Variants in PPFIA2 observed in about 807,000 individuals in gnomAD.
The protein encoded by PPFIA2 is PPFI scaffold protein A2, also known as liprin-alpha-2.
Under a neutral mutation model 175.5 loss-of-function variants are expected in PPFIA2, and 46 were observed. The ratio of observed to expected loss-of-function variants is 0.26; its 90% CI spans 0.21 to 0.34. The LOEUF (loss-of-function observed/expected upper bound fraction) is 0.34, where lower values mean the gene tolerates loss of function less well. Ranked by LOEUF, PPFIA2 falls within the 10% of genes least tolerant of loss-of-function variation. The pLI, the probability that PPFIA2 is intolerant of heterozygous loss-of-function variation, is 1.00. For missense variants in PPFIA2, 1,179 were observed against 1,506.1 expected, an observed-to-expected ratio of 0.78 and a Z score of 3.60; for synonymous variants, 568 against 511.4, an observed-to-expected ratio of 1.11 and a Z score of -1.49.
chr12:81,395,035 GGAAGA>G (rs2040857963), intron 8 of PPFIA2, among the ~76,000 whole-genome samples: 1 of 151,898 alleles, frequency 6.6e-6, no homozygotes, highest in South Asian at 2.1e-4. Context: ...AAACTGAAAA[GGAAGA>G]GAAGAGAAAA....
At chr12:81,626,886 C>T (rs1377659395) in intron 4 of PPFIA2, among the ~76,000 whole-genome samples, 1 of 152,048 alleles carries the variant, frequency 6.6e-6, no homozygotes, top group African/African-American at 2.4e-5. Context: ...TTATACTACA[C>T]TACCTTGAAT....
At chr12:81,518,829 A>G (rs2062775879) in intron 4 of PPFIA2, among the ~76,000 whole-genome samples, 1 of 152,320 alleles carries the variant, frequency 6.6e-6, no homozygotes, top group Middle Eastern at 3.4e-3. Context: ...ATAAGAGCTC[A>G]ATAAATATTT....
chr12:81,361,284 T>C (rs889501268), intron 15 of PPFIA2, among the ~76,000 whole-genome samples: 1 of 151,732 alleles, frequency 6.6e-6, no homozygotes, highest in Non-Finnish European at 1.5e-5. Flanking sequence ...ATAATGCTTA[T>C]TCTATGCATT....
chr12:81,468,089 C>T (rs1223921371), intron 4 of PPFIA2, among the ~76,000 whole-genome samples: 1 of 152,070 alleles, frequency 6.6e-6, no homozygotes, highest in Non-Finnish European at 1.5e-5. Context: ...CTTCATTTTT[C>T]TCCAATAGAA....
rs571980790 is a variant in PPFIA2 at position 81,756,689 on chromosome 12, T to G, written c.-3+1711A>C. On this transcript the variant is annotated intron_variant, in intron 2 of 32. Coordinates refer to ENST00000549396, the MANE Select transcript of PPFIA2 (RefSeq NM_003625.5). ...TATGCTTAGAGGAAAAAAAAGAAAA[T>G]ATATAATAGGTTACCTGACTGAGAA... Among the ~76,000 whole-genome samples, 196 of 151,990 alleles carry G rather than the reference T, an allele frequency of 1.3e-3. 1 individual carries two copies. Among genetic ancestry groups the G allele is most frequent in the Middle Eastern group, 3.4e-3 (1 of 294 alleles).
intron 3 of PPFIA2, among the ~76,000 whole-genome samples, chr12:81,700,531 T>C (rs1293618435): frequency 3.9e-5 from 6 of 152,132 alleles, no homozygotes; most frequent in Non-Finnish European, 8.8e-5. Flanking sequence ...GGTTTGGTTT[T>C]TGTTTTGTTT....
At chr12:81,271,583 T>C (rs930430957) in intron 28 of PPFIA2, among the ~76,000 whole-genome samples, 2 of 152,226 alleles carry the variant, frequency 1.3e-5, no homozygotes, top group Admixed American at 6.5e-5. Context: ...ATTAGCTTTT[T>C]ATATTTACAC....
intron 3 of PPFIA2, among the ~76,000 whole-genome samples, chr12:81,711,016 A>T (rs2077831752): frequency 6.6e-6 from 1 of 151,260 alleles, no homozygotes. Context: ...GAACCACTTG[A>T]GCCCAGGAGT....
At chr12:81,347,498 C>A (rs2059273099) in intron 18 of PPFIA2, 35 bp downstream of exon 18, 1 of 1,522,992 alleles carries the variant, frequency 6.6e-7, no homozygotes, top group Non-Finnish European at 9.1e-7. Flanking sequence ...TTAATCTTAA[C>A]AGGAGGCAAA....
chr12:81,549,032 G>A (rs2153364794), intron 4 of PPFIA2, among the ~76,000 whole-genome samples: 1 of 152,142 alleles, frequency 6.6e-6, no homozygotes, highest in South Asian at 2.1e-4. Context: ...TCCTGCAAGA[G>A]AAATAAATAG....
chr12:81,367,945 C>T (rs1045079645), intron 13 of PPFIA2, among the ~76,000 whole-genome samples: 3 of 151,714 alleles, frequency 2.0e-5, no homozygotes, highest in African/African-American at 7.3e-5. Context: ...TGTCTTATTA[C>T]TTTCTAATGG....
intron 8 of PPFIA2, among the ~76,000 whole-genome samples, chr12:81,390,335 T>C (rs2039885964): frequency 6.6e-6 from 1 of 152,060 alleles, no homozygotes; most frequent in Non-Finnish European, 1.5e-5. Flanking sequence ...GACAATTCTA[T>C]CTTTAACATG....
At chr12:81,351,022 T>G (rs759796263) in intron 17 of PPFIA2, among the ~76,000 whole-genome samples, 49 of 152,154 alleles carry the variant, frequency 3.2e-4, no homozygotes, top group Non-Finnish European at 6.5e-4. Context: ...GGTTCATCAC[T>G]GGGGTTAGTC....
chr12:81,466,549 A>ACG (rs2055661173), intron 4 of PPFIA2, among the ~76,000 whole-genome samples: 2 of 152,116 alleles, frequency 1.3e-5, no homozygotes, highest in African/African-American at 4.8e-5. Context: ...CCTATCTTAT[A>ACG]TCTTATTCCC....
intron 7 of PPFIA2, among the ~76,000 whole-genome samples, chr12:81,415,209 A>T (rs1592637250): frequency 2.8e-5 from 1 of 35,304 alleles, no homozygotes; most frequent in Non-Finnish European, 5.4e-5. Context: ...AAAAAAAAAA[A>T]AATATATATA....
intron 4 of PPFIA2, among the ~76,000 whole-genome samples, chr12:81,464,747 G>A (rs1315431965): frequency 6.6e-6 from 1 of 151,890 alleles, no homozygotes; most frequent in Non-Finnish European, 1.5e-5. Flanking sequence ...TGTTTTTAAC[G>A]TATGCCTTTT....
chr12:81,644,943 T>A (rs1161796634), intron 4 of PPFIA2, among the ~76,000 whole-genome samples: 1 of 107,476 alleles, frequency 9.3e-6, no homozygotes, highest in East Asian at 3.0e-4. Context: ...TTTTAAAAGT[T>A]CAGAAAATGC....
intron 4 of PPFIA2, among the ~76,000 whole-genome samples, chr12:81,586,306 G>T (rs556837006): frequency 4.6e-5 from 7 of 151,912 alleles, no homozygotes; most frequent in African/African-American, 1.7e-4. Context: ...AAGTTGCTGA[G>T]GTTTGCTTTT....
At position 81,651,651 on chromosome 12, in the gene PPFIA2, A is replaced by T. The variant is rs75945990; in HGVS notation, c.303+25140T>A. ...AAGTCTTCATTATAGTTACCAAAAGATTATCACAAATCCTCACATAACAGT... is the reference window on the plus strand; with the variant it reads ...AAGTCTTCATTATAGTTACCAAAAGTTTATCACAAATCCTCACATAACAGT... On this transcript the variant is annotated intron_variant, in intron 4 of 32. Coordinates refer to ENST00000549396, the MANE Select transcript of PPFIA2 (RefSeq NM_003625.5). 4.5e-4 allele frequency among the ~76,000 whole-genome samples: 68 copies of T among 152,240 alleles called. 1 individual carries two copies. The East Asian group carries it at 0.013, about 29-fold the overall frequency.
Sources: allele counts gnomAD v4.1 joint callset (sites outside exome capture counted in the v4.1 genomes callset), GRCh38; gene constraint gnomAD v4.1.1; transcripts MANE v1.5; gene names NCBI Gene and HGNC (gene_info 2026-07-23, HGNC 2026-07-21).